Variants in DYM observed in about 807,000 individuals in gnomAD.
The protein encoded by DYM is dyggve-Melchior-Clausen syndrome protein.
A neutral mutation model predicts 93.1 loss-of-function variants in DYM; 78 were observed. The ratio of observed to expected loss-of-function variants is 0.84; its 90% CI spans 0.70 to 1.01. The LOEUF is 1.01. Among genes scored for constraint, DYM ranks in the 50% least tolerant of loss-of-function variants. The pLI, the probability that DYM is intolerant of heterozygous loss-of-function variation, is 0.00. For missense variants in DYM, 789 were observed against 845.0 expected, an observed-to-expected ratio of 0.93 and a Z score of 0.82; for synonymous variants, 321 against 319.7, an observed-to-expected ratio of 1.00 and a Z score of -0.04.
chr18:49,382,062 A>G lies in DYM; in HGVS notation c.194-2304T>C, dbSNP rs540207975. ...CACCACTCAGAATCCCAACTTTGAA[A>G]TCTTTGTTCATTCAACAGCCCCCTT... is the stretch of plus-strand genomic sequence containing the variant. On this transcript the variant is annotated intron_variant, in intron 3 of 17. Coordinates refer to ENST00000675505, the MANE Select transcript of DYM (RefSeq NM_001353214.3). Among the ~76,000 whole-genome samples the G allele has an allele frequency of 1.2e-4, 18 of 152,346 alleles. 1 individual carries two copies. In the South Asian group the frequency reaches 3.5e-3, roughly 30 times the overall value.
At chr18:49,264,627 C>T (rs1339678590) in intron 11 of DYM, among the ~76,000 whole-genome samples, 1 of 152,176 alleles carries the variant, frequency 6.6e-6, no homozygotes, top group Non-Finnish European at 1.5e-5. Flanking sequence ...TTCCGGGTCT[C>T]TATTCTGTTT....
chr18:49,222,481 C>G (rs2093399306), intron 13 of DYM, among the ~76,000 whole-genome samples: 1 of 152,028 alleles, frequency 6.6e-6, no homozygotes, highest in South Asian at 2.1e-4. Flanking sequence ...AGCAAGGAAA[C>G]TGTCAAAGAT....
chr18:49,155,293 T>C (rs542652327), intron 15 of DYM, among the ~76,000 whole-genome samples: 3 of 152,358 alleles, frequency 2.0e-5, no homozygotes, highest in Non-Finnish European at 4.4e-5. Flanking sequence ...ATGCTAGCCA[T>C]GCTGATCTTT....
intron 1 of DYM, among the ~76,000 whole-genome samples, chr18:49,437,273 T>G (rs746943679): frequency 2.8e-4 from 42 of 152,158 alleles, no homozygotes; most frequent in Non-Finnish European, 5.0e-4. Context: ...AAACAAACCA[T>G]AGCATATGAC....
rs991362073 is a variant in DYM, at chr18:49,097,465, T to C, written c.1962A>G (p.Ser654=). 5 of 1,614,054 alleles carry C rather than the reference T, an allele frequency of 3.1e-6. No homozygotes were observed. In the South Asian group the frequency reaches 4.4e-5, roughly 14 times the overall value. ...SRLLQAGAEL[S]VERVLEIIKQ... ...TAATGATTTCCAGGACCCGTTCCAC[T>C]GACAGCTCAGCTCCAGCTTGCAGCA... is the stretch of plus-strand genomic sequence containing the variant. Residue 654 remains serine, a synonymous_variant, in exon 17 of 18, where the codon TCA becomes TCG. Coordinates refer to ENST00000675505, the MANE Select transcript of DYM (RefSeq NM_001353214.3).
chr18:49,317,623 C>CTCCTATCCTAT (rs749032927), intron 8 of DYM, among the ~76,000 whole-genome samples: 2 of 35,708 alleles, frequency 5.6e-5, no homozygotes, highest in Non-Finnish European at 1.1e-4. Flanking sequence ...CTCCCTCCCT[C>CTCCTATCCTAT]CCTCCCTCTC....
At position 49,348,615 on chromosome 18, in the gene DYM, A is replaced by G. The variant is rs969613035; in HGVS notation, c.494+14546T>C. 2.6e-5 allele frequency among the ~76,000 whole-genome samples: 4 copies of G among 152,028 alleles called. No individual in the cohort carries two copies. In the South Asian group the frequency reaches 6.2e-4, roughly 24 times the overall value. On this transcript the variant is annotated intron_variant, in intron 6 of 17. Coordinates refer to ENST00000675505, the MANE Select transcript of DYM (RefSeq NM_001353214.3). ...CATTACTTTTTTTATGATTTATAAAAAAAAAAAAATGGGCCGAGTGCGGTG... is the reference window on the plus strand; with the variant it reads ...CATTACTTTTTTTATGATTTATAAAGAAAAAAAAATGGGCCGAGTGCGGTG...
chr18:49,394,906 T>A (rs1468880744), intron 2 of DYM, among the ~76,000 whole-genome samples: 1 of 152,162 alleles, frequency 6.6e-6, no homozygotes, highest in East Asian at 1.9e-4. Flanking sequence ...GAACAATCTC[T>A]TCAACAAATG....
intron 8 of DYM, among the ~76,000 whole-genome samples, chr18:49,288,354 A>G (rs2059799478): frequency 6.6e-6 from 1 of 152,236 alleles, no homozygotes; most frequent in Non-Finnish European, 1.5e-5. Context: ...AAATCCAATA[A>G]AATATTCAGG....
At chr18:49,392,431 T>C (rs1223235250) in intron 2 of DYM, among the ~76,000 whole-genome samples, 1 of 152,036 alleles carries the variant, frequency 6.6e-6, no homozygotes, top group Admixed American at 6.6e-5. Context: ...TGGAAAACAG[T>C]ACTTGTAAAT....
intron 15 of DYM, among the ~76,000 whole-genome samples, chr18:49,124,887 T>G (rs2082671674): frequency 6.6e-6 from 1 of 152,266 alleles, no homozygotes; most frequent in African/African-American, 2.4e-5. Flanking sequence ...CAAAAATGAA[T>G]AACATAATTC....
At chr18:49,158,372 T>A (rs1172970436) in intron 15 of DYM, among the ~76,000 whole-genome samples, 1 of 152,366 alleles carries the variant, frequency 6.6e-6, no homozygotes, top group Non-Finnish European at 1.5e-5. Context: ...AATAATATTC[T>A]GATTGCTGTT....
chr18:49,085,617 T>TC, intron 17 of DYM, among the ~76,000 whole-genome samples: 1 of 145,620 alleles, frequency 6.9e-6, no homozygotes, highest in Non-Finnish European at 1.5e-5. Context: ...TTTTTTTTTT[T>TC]TTTTTTTTTT....
Position 49,379,680 on chromosome 18 carries a change from GAA to G in DYM, c.270_271del (p.Ala92ArgfsTer41). On this transcript the variant is annotated frameshift_variant, in exon 4 of 18. Coordinates refer to ENST00000675505, the MANE Select transcript of DYM (RefSeq NM_001353214.3). LOFTEE classifies it high-confidence loss of function. ...GCCAGCTTACTTCTGACATTCTGCT[GAA>G]AGTTTTAGTTCTTTGGTTCTAGAAA... The G allele has an allele frequency of 6.2e-7, 1 of 1,612,136 alleles. No homozygotes were observed. Among genetic ancestry groups the G allele is most frequent in the Non-Finnish European group, 8.5e-7 (1 of 1,178,402 alleles).
chr18:49,085,498 A>C (rs1247333275), intron 17 of DYM, among the ~76,000 whole-genome samples: 4 of 151,940 alleles, frequency 2.6e-5, no homozygotes, highest in Non-Finnish European at 5.9e-5. Context: ...CCAGTAACTG[A>C]CATTATATTA....
chr18:49,120,078 CAAAAA>C (rs71165367), intron 15 of DYM, among the ~76,000 whole-genome samples: 7 of 56,194 alleles, frequency 1.2e-4, no homozygotes, highest in Admixed American at 4.1e-4. Flanking sequence ...GATCCTGTCT[CAAAAA>C]AAAAAAAAAA....
chr18:49,289,817 A>ATATATATATACACACATATG lies in DYM; in HGVS notation c.764-3202_764-3201insCATATGTGTGTATATATATA, dbSNP rs1568182164. ...CACATATATATATATATACACATAT[A>ATATATATATACACACATATG]TATTTATTTATATATTTTAAACGGA... On this transcript the variant is annotated intron_variant, in intron 8 of 17. Coordinates refer to ENST00000675505, the MANE Select transcript of DYM (RefSeq NM_001353214.3). Among the ~76,000 whole-genome samples, 526 of 133,856 alleles carry ATATATATATACACACATATG rather than the reference A, an allele frequency of 3.9e-3. 16 individuals carry two copies. The highest frequency in any genetic ancestry group is 0.015 in the African/African-American group (502 of 34,370). 87.8% of individuals were successfully genotyped at this position (133,856 alleles called of 152,430 possible). A position where few individuals can be genotyped will look rare whatever the true frequency, so the allele number is the denominator to read the frequency against.
intron 8 of DYM, among the ~76,000 whole-genome samples, chr18:49,305,031 T>C (rs1421907843): frequency 6.6e-6 from 1 of 152,170 alleles, no homozygotes; most frequent in African/African-American, 2.4e-5. Context: ...TTCAGGTCAC[T>C]TCCTCTAGTC....
rs2089888267 is a variant in DYM, at chr18:49,181,121, C to A, written c.1626-17334G>T. On this transcript the variant is annotated intron_variant, in intron 14 of 17. Transcript: ENST00000675505. ...ACTGGAAATACCACGTCATGAAATG[C>A]AGCAAACCATCTAGAGTCAAGGTCG... Among the ~76,000 whole-genome samples the A allele has an allele frequency of 2.0e-5, 3 of 152,114 alleles. No individual in the cohort carries two copies. The South Asian group carries it at 6.2e-4, about 32-fold the overall frequency.
Sources: allele counts gnomAD v4.1 joint callset (sites outside exome capture counted in the v4.1 genomes callset), GRCh38; gene constraint gnomAD v4.1.1; transcripts MANE v1.5; gene names NCBI Gene and HGNC (gene_info 2026-07-23, HGNC 2026-07-21).